Variants in DOCK3 observed in about 807,000 individuals in gnomAD.
DOCK3 encodes dedicator of cytokinesis protein 3.
Under a neutral mutation model 265.6 loss-of-function variants are expected in DOCK3, and 60 were observed. That is an observed-to-expected ratio of 0.23 (90% CI 0.18 to 0.28). The LOEUF (loss-of-function observed/expected upper bound fraction) is 0.28. Among genes scored for constraint, DOCK3 ranks in the 10% least tolerant of loss-of-function variants. The pLI is 1.00. For synonymous variants in DOCK3, 881 were observed against 938.0 expected (o/e 0.94, Z 1.11); for missense variants, 1,981 against 2,594.3 (o/e 0.76, Z 5.14).
chr3:51,163,559 A>C (rs1189950833), intron 12 of DOCK3, among the ~76,000 whole-genome samples: 1 of 152,134 alleles, frequency 6.6e-6, no homozygotes, highest in African/African-American at 2.4e-5. Flanking sequence ...AAGGGGTCAC[A>C]AGCAGGCACA....
intron 27 of DOCK3, among the ~76,000 whole-genome samples, chr3:51,297,488 G>T (rs990779695): frequency 6.6e-6 from 1 of 152,028 alleles, no homozygotes; most frequent in Admixed American, 6.5e-5. Flanking sequence ...ACTACTCAAA[G>T]ATAGAAAACT....
At chr3:51,137,961 T>G (rs755830496) in intron 9 of DOCK3, among the ~76,000 whole-genome samples, 2 of 152,240 alleles carry the variant, frequency 1.3e-5, no homozygotes, top group African/African-American at 4.8e-5. Flanking sequence ...GTTACACCTT[T>G]GAAGAATACG....
intron 12 of DOCK3, among the ~76,000 whole-genome samples, chr3:51,186,011 C>T (rs2087577726): frequency 6.6e-6 from 1 of 152,058 alleles, no homozygotes; most frequent in African/African-American, 2.4e-5. Context: ...TCGGGCACTG[C>T]TGAAAAGATA....
At chr3:50,921,863 G>A (rs1019766482) in intron 4 of DOCK3, among the ~76,000 whole-genome samples, 3 of 152,168 alleles carry the variant, frequency 2.0e-5, no homozygotes, top group African/African-American at 7.2e-5. Context: ...GGAGGCTGCA[G>A]AACAGCAAAT....
intron 8 of DOCK3, 104 bp downstream of exon 8, chr3:51,089,388 T>A (rs2082550335): frequency 7.3e-7 from 1 of 1,376,968 alleles, no homozygotes; most frequent in Non-Finnish European, 1.0e-6. Flanking sequence ...ACTGACTTCT[T>A]GACTGTGTGG....
chr3:50,764,309 C>T (rs901750644), intron 1 of DOCK3, among the ~76,000 whole-genome samples: 5 of 152,014 alleles, frequency 3.3e-5, no homozygotes, highest in African/African-American at 1.2e-4. Context: ...TCTGTGGATT[C>T]AACCAACAGC....
chr3:50,892,378 T>C (rs900785744), intron 4 of DOCK3, among the ~76,000 whole-genome samples: 1 of 152,048 alleles, frequency 6.6e-6, no homozygotes, highest in Non-Finnish European at 1.5e-5. Flanking sequence ...AATACCTTTA[T>C]AAGAGGTCCA....
intron 7 of DOCK3, among the ~76,000 whole-genome samples, chr3:51,083,027 G>T (rs916682227): frequency 1.6e-4 from 24 of 152,116 alleles, no homozygotes; most frequent in African/African-American, 4.8e-5. Context: ...CAAGCATGCT[G>T]CCTGGAGGCC....
At chr3:50,867,133 A>G (rs1428491853) in intron 3 of DOCK3, among the ~76,000 whole-genome samples, 1 of 152,140 alleles carries the variant, frequency 6.6e-6, no homozygotes, top group Non-Finnish European at 1.5e-5. Context: ...AGTTTTTATG[A>G]TAGAAATCTT....
chr3:51,050,191 C>T (rs2080939617), intron 5 of DOCK3, among the ~76,000 whole-genome samples: 1 of 152,024 alleles, frequency 6.6e-6, no homozygotes, highest in African/African-American at 2.4e-5. Flanking sequence ...TGAGACCAGC[C>T]TGGGAAACAC....
At chr3:51,233,522 C>A (rs1405734404) in intron 19 of DOCK3, among the ~76,000 whole-genome samples, 1 of 152,092 alleles carries the variant, frequency 6.6e-6, no homozygotes, top group Non-Finnish European at 1.5e-5. Context: ...TGTGCCACCA[C>A]GCCTGGCTAA....
chr3:51,057,706 C>A (rs930602843), intron 5 of DOCK3, among the ~76,000 whole-genome samples: 4 of 152,120 alleles, frequency 2.6e-5, no homozygotes, highest in Non-Finnish European at 4.4e-5. Context: ...AGTGCGGTGT[C>A]GGAGCAATGT....
chr3:51,083,537 T>TA (rs1293927991), intron 7 of DOCK3, among the ~76,000 whole-genome samples: 1 of 151,648 alleles, frequency 6.6e-6, no homozygotes, highest in Non-Finnish European at 1.5e-5. Flanking sequence ...AGATAAACAA[T>TA]AAAAAATCAG....
intron 5 of DOCK3, among the ~76,000 whole-genome samples, chr3:50,944,688 G>C (rs1462372694): frequency 6.6e-6 from 1 of 152,146 alleles, no homozygotes; most frequent in Non-Finnish European, 1.5e-5. Flanking sequence ...GCGGGGCATG[G>C]TGGCTCAGGC....
Position 51,227,376 on chromosome 3 carries a change from A to T in DOCK3, c.1471A>T (p.Ile491Phe). Residue 491 changes from isoleucine to phenylalanine, a missense_variant, in exon 16 of 53, where the codon ATC (isoleucine) becomes TTC (phenylalanine). This residue lies in a region of DOCK3 where 1,357 missense variants were observed against 1,866.8 expected (regional missense o/e 0.73). Coordinates refer to ENST00000266037, the MANE Select transcript of DOCK3 (RefSeq NM_004947.5). ...HSNSPRWGEI[I>F]KLPIPIDRFR... The stretch of plus-strand genomic sequence containing the variant: ...TAATAGTCCTCGCTGGGGAGAAATT[A>T]TCAAATTGCCTATCCCCATTGACCG... 1 of 1,613,990 alleles carries T rather than the reference A, an allele frequency of 6.2e-7. No homozygotes were observed. Among genetic ancestry groups the T allele is most frequent in the South Asian group, 1.1e-5 (1 of 91,086 alleles).
chr3:51,137,629 T>TA (rs2084866129), intron 9 of DOCK3, among the ~76,000 whole-genome samples: 1 of 152,184 alleles, frequency 6.6e-6, no homozygotes, highest in Non-Finnish European at 1.5e-5. Context: ...GTAGTTATCT[T>TA]AAAATTAAGA....
chr3:51,220,687 A>ATGTG (rs760900578), intron 14 of DOCK3, among the ~76,000 whole-genome samples: 1,056 of 67,322 alleles, frequency 0.016, 12 homozygotes, highest in African/African-American at 0.028. Context: ...ATATATATAT[A>ATGTG]TGTGTGTGTG....
intron 7 of DOCK3, among the ~76,000 whole-genome samples, chr3:51,082,794 C>T (rs1288203182): frequency 6.6e-6 from 1 of 152,192 alleles, no homozygotes; most frequent in East Asian, 1.9e-4. Flanking sequence ...CCTGTGTTTA[C>T]CACCTGGGGG....
At chr3:50,713,468 TA>T (rs2107938923) in intron 1 of DOCK3, among the ~76,000 whole-genome samples, 1 of 152,294 alleles carries the variant, frequency 6.6e-6, no homozygotes, top group South Asian at 2.1e-4. Flanking sequence ...GAAAGAAATT[TA>T]CATTCAATTC....
Sources: gnomAD v4.1 joint callset for allele counts (sites outside exome capture counted in the v4.1 genomes callset) on GRCh38, gnomAD v4.1.1 for gene constraint, gnomAD v4.1.1 regional missense constraint, MANE v1.5 for transcripts, NCBI Gene and HGNC (gene_info 2026-07-23, HGNC 2026-07-21) for gene names.